SMARCC2: variants seen among roughly 807,000 people sequenced by gnomAD.
SMARCC2 encodes SWI/SNF complex subunit SMARCC2.
In SMARCC2, 15 loss-of-function variants were observed where a neutral mutation model predicts 151.3. That is an observed-to-expected ratio of 0.10 (90% CI 0.07 to 0.15). The LOEUF (loss-of-function observed/expected upper bound fraction) is 0.15. Ranked by LOEUF, SMARCC2 falls within the 10% of genes least tolerant of loss-of-function variation. SMARCC2 has a pLI of 1.00. For synonymous variants in SMARCC2, 590 were observed against 609.5 expected (o/e 0.97, Z 0.47); for missense variants, 1,031 against 1,599.7 (o/e 0.64, Z 6.06).
At position 56,189,383 on chromosome 12, in the gene SMARCC2, C is replaced by A; in HGVS notation, c.79G>T (p.Val27Leu). Residue 27 changes from valine to leucine, a missense_variant, in exon 1 of 29, where the codon GTG becomes TTG. This residue lies in a region of SMARCC2 where 50 missense variants were observed against 52.4 expected (regional missense o/e 0.95). Transcript: ENST00000550164. ...AADTVTQFDN[V>L]RLWLGKNYKK... ...TAGTTCTTGCCGAGCCACAGCCGCA[C>A]GTTGTCGAACTGGGTCACGGTGTCC... 1 of 1,543,038 alleles carries A rather than the reference C, an allele frequency of 6.5e-7. No individual in the cohort carries two copies. Among genetic ancestry groups the A allele is most frequent in the South Asian group, 1.2e-5 (1 of 84,510 alleles).
At chr12:56,166,858 G>GT (rs981381121) in intron 26 of SMARCC2, among the ~76,000 whole-genome samples, 5 of 152,182 alleles carry the variant, frequency 3.3e-5, no homozygotes, top group African/African-American at 1.2e-4. Context: ...GAGGTCAGGA[G>GT]TTTGAGACCA....
chr12:56,173,075 C>A, intron 17 of SMARCC2, 46 bp from the exon 18 acceptor site: 1 of 1,585,624 alleles, frequency 6.3e-7, no homozygotes, highest in Non-Finnish European at 8.6e-7. Context: ...AGGAAATGAC[C>A]AGGCCAAGGC....
At chr12:56,164,894 T>C (rs1462359101) in intron 27 of SMARCC2, among the ~76,000 whole-genome samples, 163 bp from the exon 28 acceptor site, 3 of 151,886 alleles carry the variant, frequency 2.0e-5, no homozygotes, top group African/African-American at 7.3e-5. Context: ...GTTTAAGCAA[T>C]CTCCTGCCTC....
Position 56,171,929 on chromosome 12 carries a change from T to C in SMARCC2, c.1935A>G (p.Glu645=), listed in dbSNP as rs760354224. 6.2e-7 allele frequency: 1 copy of C among 1,602,978 alleles called. No homozygotes were observed. Among genetic ancestry groups the C allele is most frequent in the Admixed American group, 1.7e-5 (1 of 58,742 alleles). The part of the protein sequence containing the change: ...QETLLLLEAL[E]MYKDDWNKVS... ...CTTTGTTCCAGTCATCTTTGTACAT[T>C]TCCAGTGCCTGGTGGTAGTGGTGGA... The change falls in exon 21 of 29, where the codon GAA becomes GAG. Residue 645 remains glutamate, a synonymous_variant. Transcript: ENST00000550164. This position sits in a 1 kb window ranked among gnomAD's most constrained non-coding sequence, Gnocchi z 4.2.
In SMARCC2 at chr12:56,173,863, G is replaced by C; in HGVS notation, c.1497-14C>G. 1 of 1,607,742 alleles carries C rather than the reference G, an allele frequency of 6.2e-7. No homozygotes were observed. The highest frequency in any genetic ancestry group is 8.5e-7 in the Non-Finnish European group (1 of 1,176,098). ...AAGGCATGGACCCTGTGCAGAGAGA[G>C]GCAGAGACAGGGTCACACGGATAGC... is the stretch of plus-strand genomic sequence containing the variant. On this transcript the variant is annotated splice_polypyrimidine_tract_variant and intron_variant, in intron 16 of 28. Transcript: ENST00000550164.
chr12:56,184,025 T>C, intron 6 of SMARCC2, 95 bp from the exon 7 acceptor site: 3 of 1,084,940 alleles, frequency 2.8e-6, no homozygotes, highest in Non-Finnish European at 1.4e-6. Context: ...TCTCCTGTTG[T>C]AGCAGGGGAC....
rs1417940372 is a variant in SMARCC2 at position 56,171,294 on chromosome 12, G to A, written c.2324C>T (p.Thr775Ile). The change falls in exon 22 of 29, where the codon ACC (threonine) becomes ATC (isoleucine). Residue 775 changes from threonine (T) to isoleucine (I), a missense_variant. Physicochemically the swap from Thr to Ile is moderately conservative, Grantham distance 89 (BLOSUM62 -1). Coordinates refer to ENST00000550164, the MANE Select transcript of SMARCC2 (RefSeq NM_001330288.2). This position sits in a 1 kb window ranked among gnomAD's most constrained non-coding sequence, Gnocchi z 4.2. Reference sequence around the variant, plus strand: ...ACCAATCCGCTCAGGCTCATCAGAGGTGGTTCCTGCAATGCCACTGCTTTC... The same window carrying A: ...ACCAATCCGCTCAGGCTCATCAGAGATGGTTCCTGCAATGCCACTGCTTTC... Reference protein sequence around the residue: ...GLESSGIAGTTSDEPERIEES... With the variant: ...GLESSGIAGTISDEPERIEES... 3.1e-6 allele frequency: 5 copies of A among 1,614,214 alleles called. No homozygotes were observed. Among genetic ancestry groups the A allele is most frequent in the Non-Finnish European group, 4.2e-6 (5 of 1,180,034 alleles).
In SMARCC2 at chr12:56,172,670, G is replaced by A; in HGVS notation, c.1778C>T (p.Pro593Leu). The change falls in exon 19 of 29, where the codon CCT (proline) becomes CTT (leucine). Residue 593 changes from proline (P) to leucine (L), a missense_variant. Pro to Leu is a moderately conservative substitution (Grantham distance 98, BLOSUM62 -3). Around this residue, in one of 12 missense-constraint regions of SMARCC2, gnomAD observed 99 missense variants for 148.3 expected, o/e 0.67. Coordinates refer to ENST00000550164, the MANE Select transcript of SMARCC2 (RefSeq NM_001330288.2). Reference protein sequence around the residue: ...TSASQQMLNFPDKGKEKPTDM... With the variant: ...TSASQQMLNFLDKGKEKPTDM... ...TGTTGGTTTCTCTTTGCCTTTGTCAGGAAAGTTGAGCATTTGTTGGGAAGC... is the reference window on the plus strand; with the variant it reads ...TGTTGGTTTCTCTTTGCCTTTGTCAAGAAAGTTGAGCATTTGTTGGGAAGC... 6.2e-7 allele frequency: 1 copy of A among 1,614,236 alleles called. No individual in the cohort carries two copies. The highest frequency in any genetic ancestry group is 8.5e-7 in the Non-Finnish European group (1 of 1,180,038).
At chr12:56,168,323 G>A (rs1873226078) in intron 25 of SMARCC2, 129 bp from the exon 26 acceptor site, 2 of 1,030,546 alleles carry the variant, frequency 1.9e-6, no homozygotes, top group South Asian at 3.1e-5. Context: ...TGGTGAAAGG[G>A]CTTGACTTTT....
chr12:56,165,792 T>C (rs1206529892), intron 26 of SMARCC2, 93 bp from the exon 27 acceptor site: 3 of 1,291,434 alleles, frequency 2.3e-6, no homozygotes, highest in African/African-American at 2.9e-5. Flanking sequence ...TGAAAGAGCC[T>C]GCCTCTCAAT....
intron 25 of SMARCC2, among the ~76,000 whole-genome samples, 200 bp from the exon 26 acceptor site, chr12:56,168,394 T>G (rs941414335): frequency 6.6e-5 from 10 of 151,676 alleles, no homozygotes; most frequent in South Asian, 2.1e-4. Context: ...TTTTTTTTTT[T>G]GGGACAGTCT....
rs749470349 is a variant in SMARCC2, at chr12:56,172,997, C to A, written c.1683G>T (p.Gly561=). ...GRQVDADTKA[G]RKGKELDDLV... ...GGTCATCCAGCTCTTTGCCCTTTCG[C>A]CCAGCCTTGGTATCAGCATCAACCT... Residue 561 remains glycine, a synonymous_variant, in exon 18 of 29, where the codon GGG becomes GGT. Coordinates refer to ENST00000550164, the MANE Select transcript of SMARCC2 (RefSeq NM_001330288.2). 5 of 1,613,984 alleles carry A rather than the reference C, an allele frequency of 3.1e-6. No individual in the cohort carries two copies. Among genetic ancestry groups the A allele is most frequent in the Non-Finnish European group, 4.2e-6 (5 of 1,180,048 alleles).
Position 56,172,743 on chromosome 12 carries a change from C to A in SMARCC2, c.1744-39G>T, listed in dbSNP as rs370439760. 1.2e-5 allele frequency: 20 copies of A among 1,610,862 alleles called. No homozygotes were observed. In the African/African-American group the frequency reaches 2.1e-4, roughly 17 times the overall value. ...GAAAGAAACAGGTGAGTACAAGTGA[C>A]CACCGGGAGCCAGGGGCTGACAGAG... is the stretch of plus-strand genomic sequence containing the variant. On this transcript the variant is annotated intron_variant, in intron 18 of 28. Transcript: ENST00000550164.
chr12:56,165,192 A>C, intron 27 of SMARCC2, 126 bp downstream of exon 27: 1 of 1,208,420 alleles, frequency 8.3e-7, no homozygotes, highest in Non-Finnish European at 1.1e-6. Context: ...CCTAAGAGAG[A>C]TGGGCCCATC....
At chr12:56,176,822 GTTTT>G (rs745658977) in intron 15 of SMARCC2, among the ~76,000 whole-genome samples, 90 of 145,420 alleles carry the variant, frequency 6.2e-4, no homozygotes, top group Non-Finnish European at 7.0e-4. Flanking sequence ...TTTTGTTTTT[GTTTT>G]TTTGTTTTTT....
chr12:56,169,969 C>T, intron 23 of SMARCC2, 58 bp from the exon 24 acceptor site: 1 of 1,539,808 alleles, frequency 6.5e-7, no homozygotes, highest in South Asian at 1.1e-5. Context: ...TTAGTTCTCA[C>T]ACAGAGGGGC....
chr12:56,188,083 T>C (rs955450123), intron 1 of SMARCC2, among the ~76,000 whole-genome samples: 4 of 152,138 alleles, frequency 2.6e-5, no homozygotes, highest in African/African-American at 9.7e-5. Flanking sequence ...ACAGTGCCTC[T>C]CAGTGAGAGG....
intron 15 of SMARCC2, among the ~76,000 whole-genome samples, chr12:56,177,648 G>A (rs1875289993): frequency 6.6e-6 from 1 of 152,082 alleles, no homozygotes; most frequent in South Asian, 2.1e-4. Context: ...CTACTCTCAG[G>A]AACCAGCCTG....
At chr12:56,181,353 A>G in intron 10 of SMARCC2, 129 bp downstream of exon 10, 1 of 667,146 alleles carries the variant, frequency 1.5e-6, no homozygotes, top group Non-Finnish European at 2.6e-6. Flanking sequence ...CTTCCCTCTC[A>G]GGACACCTGC....
Sources: gnomAD v4.1 joint callset for allele counts (sites outside exome capture counted in the v4.1 genomes callset) on GRCh38, gnomAD v4.1.1 for gene constraint, gnomAD v4.1.1 regional missense constraint, Gnocchi (gnomAD v3.1) non-coding constraint, MANE v1.5 for transcripts, NCBI Gene and HGNC (gene_info 2026-07-23, HGNC 2026-07-21) for gene names.